VAV3: variants seen among roughly 807,000 people sequenced by gnomAD.
VAV3 encodes guanine nucleotide exchange factor VAV3.
VAV3 carries 94 observed loss-of-function variants against 131.2 expected under a neutral mutation model. That is an observed-to-expected ratio of 0.72 (90% CI 0.61 to 0.85). The LOEUF is 0.85. VAV3 is among the 40% of genes least tolerant of loss of function. VAV3 has a pLI of 0.00. For synonymous variants in VAV3, 349 were observed against 342.0 expected (o/e 1.02, Z -0.22); for missense variants, 939 against 1,002.7 (o/e 0.94, Z 0.86).
chr1:107,963,253 C>A (rs1675224034), intron 1 of VAV3, among the ~76,000 whole-genome samples: 1 of 152,082 alleles, frequency 6.6e-6, no homozygotes, highest in Non-Finnish European at 1.5e-5. Context: ...AGGCTACAGG[C>A]AAAGTGGAAA....
At chr1:107,809,700 C>T (rs1010774497) in intron 2 of VAV3, among the ~76,000 whole-genome samples, 2 of 152,218 alleles carry the variant, frequency 1.3e-5, no homozygotes, top group African/African-American at 4.8e-5. Context: ...AGGCACTACA[C>T]TGTGCAAATT....
chr1:107,952,412 C>T lies in VAV3; in HGVS notation c.204+12254G>A, dbSNP rs1346941325. ...TAATCTGCACAATAAACCCCCATGACACACGTTTACCTATGTAACAAACCT... is the reference window on the plus strand; with the variant it reads ...TAATCTGCACAATAAACCCCCATGATACACGTTTACCTATGTAACAAACCT... On this transcript the variant is annotated intron_variant, in intron 1 of 26. Coordinates refer to ENST00000370056, the MANE Select transcript of VAV3 (RefSeq NM_006113.5). Among the ~76,000 whole-genome samples, 5 of 148,956 alleles carry T rather than the reference C, an allele frequency of 3.4e-5. No homozygotes were observed. The Admixed American group carries it at 3.4e-4, about 10-fold the overall frequency.
chr1:107,752,638 G>C (rs1445626913), intron 12 of VAV3, among the ~76,000 whole-genome samples: 1 of 152,166 alleles, frequency 6.6e-6, no homozygotes, highest in Non-Finnish European at 1.5e-5. Context: ...AATGGGCAAA[G>C]CATTTGAATA....
At chr1:107,883,135 GT>G (rs372615951) in intron 1 of VAV3, among the ~76,000 whole-genome samples, 16 of 151,838 alleles carry the variant, frequency 1.1e-4, no homozygotes, top group African/African-American at 3.4e-4. Flanking sequence ...AAGTTAACAG[GT>G]TTTTTTTCAC....
chr1:107,880,349 T>C (rs1341239288), intron 1 of VAV3, among the ~76,000 whole-genome samples: 1 of 152,124 alleles, frequency 6.6e-6, no homozygotes, highest in Non-Finnish European at 1.5e-5. Flanking sequence ...CATGAAAGCA[T>C]GGACCACTTG....
At position 107,677,713 on chromosome 1, in the gene VAV3, G is replaced by C. The variant is rs1451950481; in HGVS notation, c.1777+5775C>G. ...AGAAGTGCATAAATGGCCCAGAGTA[G>C]GTTCTAAATATAATTCAAACATTCT... is the stretch of plus-strand genomic sequence containing the variant. On this transcript the variant is annotated intron_variant, in intron 19 of 26. Transcript: ENST00000370056. 6 of 152,064 alleles carry C rather than the reference G, an allele frequency of 3.9e-5. No individual in the cohort carries two copies. The East Asian group carries it at 1.2e-3, about 29-fold the overall frequency. The allele number at this position is 152,064 out of a possible 1,614,324, so 9.4% of individuals were successfully genotyped here.
rs574802429 is a variant in VAV3 at position 107,617,687 on chromosome 1, C to T, written c.1915-55G>A. 4.6e-4 allele frequency: 669 copies of T among 1,450,936 alleles called. 6 individuals are homozygous for T. The South Asian group carries it at 7.0e-3, about 15-fold the overall frequency. 89.9% of individuals were successfully genotyped at this position (1,450,936 alleles called of 1,614,324 possible). A position where few individuals can be genotyped will look rare whatever the true frequency, so the allele number is the denominator to read the frequency against. ...AGAACAAATTTACCACAAATGATAACCCCATGATGCCCCATACATAGCACT... is the reference window on the plus strand; with the variant it reads ...AGAACAAATTTACCACAAATGATAATCCCATGATGCCCCATACATAGCACT... On this transcript the variant is annotated intron_variant, in intron 20 of 26. Transcript: ENST00000370056.
chr1:107,919,600 G>A (rs1672791168), intron 1 of VAV3, among the ~76,000 whole-genome samples: 5 of 152,122 alleles, frequency 3.3e-5, no homozygotes, highest in Admixed American at 3.3e-4. Flanking sequence ...GGACCGGTAG[G>A]AGGATAGAGA....
chr1:107,669,979 T>C (rs978492893), intron 19 of VAV3, among the ~76,000 whole-genome samples: 68 of 152,342 alleles, frequency 4.5e-4, no homozygotes, highest in African/African-American at 1.6e-3. Flanking sequence ...TTCAAAATTA[T>C]ATGACATGAT....
chr1:107,894,985 C>G (rs1671496485), intron 1 of VAV3, among the ~76,000 whole-genome samples: 1 of 152,120 alleles, frequency 6.6e-6, no homozygotes, highest in African/African-American at 2.4e-5. Flanking sequence ...AGATCTCAGC[C>G]CCTCTCACCT....
intron 1 of VAV3, among the ~76,000 whole-genome samples, chr1:107,962,995 T>C (rs892122223): frequency 5.9e-5 from 9 of 152,226 alleles, no homozygotes; most frequent in African/African-American, 2.2e-4. Context: ...AATGACAATC[T>C]TTGGTCATCA....
At chr1:107,602,174 C>A (rs983619773) in intron 24 of VAV3, among the ~76,000 whole-genome samples, 2 of 152,054 alleles carry the variant, frequency 1.3e-5, no homozygotes, top group Non-Finnish European at 2.9e-5. Context: ...AAAACTCTAT[C>A]TAAACCTGCA....
intron 10 of VAV3, among the ~76,000 whole-genome samples, chr1:107,759,902 G>A (rs570128050): frequency 2.0e-5 from 3 of 151,912 alleles, no homozygotes; most frequent in Non-Finnish European, 2.9e-5. Context: ...TGCCTGAGTC[G>A]TCCTTATTAT....
At chr1:107,884,581 G>A (rs1557901217) in intron 1 of VAV3, among the ~76,000 whole-genome samples, 1 of 151,492 alleles carries the variant, frequency 6.6e-6, no homozygotes, top group Non-Finnish European at 1.5e-5. Flanking sequence ...GACTAGCTGG[G>A]ACTACAGGCA....
intron 20 of VAV3, among the ~76,000 whole-genome samples, chr1:107,619,704 G>A (rs111787688): frequency 0.017 from 2,584 of 152,242 alleles, 80 homozygotes; most frequent in African/African-American, 0.059. Flanking sequence ...GTATTTGAAG[G>A]TGTATCAACA....
At chr1:107,844,520 T>C (rs1420135633) in intron 2 of VAV3, among the ~76,000 whole-genome samples, 4 of 152,294 alleles carry the variant, frequency 2.6e-5, no homozygotes, top group Admixed American at 2.6e-4. Flanking sequence ...CCGAGTGGTC[T>C]TGCTCATCAG....
intron 1 of VAV3, among the ~76,000 whole-genome samples, chr1:107,936,508 T>C (rs1230556552): frequency 7.2e-5 from 11 of 152,174 alleles, no homozygotes; most frequent in Non-Finnish European, 1.2e-4. Flanking sequence ...ACAGTGACAG[T>C]AGACAAAAAT....
intron 2 of VAV3, among the ~76,000 whole-genome samples, chr1:107,852,478 T>C (rs974859172): frequency 3.3e-5 from 5 of 152,190 alleles, no homozygotes; most frequent in African/African-American, 1.2e-4. Context: ...CAGGCTTACA[T>C]ATATAATCTT....
chr1:107,827,609 G>A (rs988012633), intron 2 of VAV3, among the ~76,000 whole-genome samples: 9 of 152,176 alleles, frequency 5.9e-5, no homozygotes, highest in African/African-American at 2.2e-4. Flanking sequence ...TCAAGGACCT[G>A]GCCACAGAAT....
Sources: allele counts gnomAD v4.1 joint callset (sites outside exome capture counted in the v4.1 genomes callset), GRCh38; gene constraint gnomAD v4.1.1; transcripts MANE v1.5; gene names NCBI Gene and HGNC (gene_info 2026-07-23, HGNC 2026-07-21).